The following FYB1 variants were observed in gnomAD, a reference collection of about 807,000 sequenced individuals.
FYB1 encodes the protein FYN-binding protein 1.
FYB1 carries 41 observed loss-of-function variants against 94.1 expected under a neutral mutation model. The ratio of observed to expected loss-of-function variants is 0.44; its 90% CI spans 0.34 to 0.57. The LOEUF is 0.57. Among genes scored for constraint, FYB1 ranks in the 20% least tolerant of loss-of-function variants. The pLI, the probability that FYB1 is intolerant of heterozygous loss-of-function variation, is 0.02. For missense variants in FYB1, 1,050 were observed against 976.8 expected, an observed-to-expected ratio of 1.07 and a Z score of -1.00; for synonymous variants, 367 against 353.2, an observed-to-expected ratio of 1.04 and a Z score of -0.44.
At chr5:39,269,091 C>T (rs931621783) in intron 1 of FYB1, among the ~76,000 whole-genome samples, 1 of 151,768 alleles carries the variant, frequency 6.6e-6, no homozygotes, top group African/African-American at 2.4e-5. Context: ...GCTCTGTGGC[C>T]CAGGCTAGAG....
Position 39,119,048 on chromosome 5 carries a change from AG to A in FYB1, c.2239-13del. The A allele has an allele frequency of 8.3e-7, 1 of 1,210,516 alleles. No individual in the cohort carries two copies. The highest frequency in any genetic ancestry group is 1.1e-6 in the Non-Finnish European group (1 of 898,896). The allele number at this position is 1,210,516 out of a possible 1,614,324, so 75.0% of individuals were successfully genotyped here. On this transcript the variant is annotated splice_polypyrimidine_tract_variant and intron_variant, in intron 15 of 18. Coordinates refer to ENST00000512982, the MANE Select transcript of FYB1 (RefSeq NM_001465.6). ...ATTTCACCATCATACTAAAAAAAAA[AG>A]AACAATATTTAAATTATTGGTTTAT... is the stretch of plus-strand genomic sequence containing the variant.
chr5:39,138,872 A>T (rs1439591951), intron 5 of FYB1, 181 bp from the exon 6 acceptor site: 20 of 641,782 alleles, frequency 3.1e-5, no homozygotes, highest in Admixed American at 4.8e-5. Flanking sequence ...TTTTGAAAGA[A>T]TAATTCAAAT....
intron 1 of FYB1, among the ~76,000 whole-genome samples, chr5:39,257,446 C>A (rs1420042157): frequency 6.7e-6 from 1 of 149,684 alleles, no homozygotes; most frequent in African/African-American, 2.5e-5. Context: ...GTAGAACTTA[C>A]AAAATCTTTT....
chr5:39,211,279 G>A (rs547352470), intron 1 of FYB1, among the ~76,000 whole-genome samples: 4 of 151,666 alleles, frequency 2.6e-5, no homozygotes, highest in Admixed American at 2.6e-4. Flanking sequence ...CAACCTCAAA[G>A]AGAGACCTAA....
chr5:39,243,845 G>T (rs180933870), intron 1 of FYB1, among the ~76,000 whole-genome samples: 1,540 of 152,218 alleles, frequency 0.01, 24 homozygotes, highest in African/African-American at 0.035. Context: ...TCTCCTTGAA[G>T]AGGTGCTTCA....
chr5:39,266,205 A>T (rs1233825257), intron 1 of FYB1, among the ~76,000 whole-genome samples: 2 of 152,188 alleles, frequency 1.3e-5, no homozygotes, highest in East Asian at 3.9e-4. Flanking sequence ...GGGGCAGATA[A>T]AGTAGAATTC....
At chr5:39,149,475 C>A in intron 3 of FYB1, among the ~76,000 whole-genome samples, 2 of 152,312 alleles carry the variant, frequency 1.3e-5, no homozygotes, top group Middle Eastern at 6.8e-3. Context: ...ATCTTTCCAT[C>A]AGCCTACAAA....
intron 1 of FYB1, among the ~76,000 whole-genome samples, chr5:39,240,523 A>C (rs1751158116): frequency 6.6e-6 from 1 of 151,168 alleles, no homozygotes; most frequent in South Asian, 2.1e-4. Flanking sequence ...ATGAACAGGC[A>C]CTTCTAAAAA....
chr5:39,130,072 TA>T (rs141150455), intron 10 of FYB1, among the ~76,000 whole-genome samples: 13,233 of 146,546 alleles, frequency 0.09, 901 homozygotes, highest in East Asian at 0.41. Context: ...TATTTGGTCA[TA>T]AAAAAAAAAG....
chr5:39,227,755 C>T (rs897485996), intron 1 of FYB1, among the ~76,000 whole-genome samples: 4 of 152,148 alleles, frequency 2.6e-5, no homozygotes, highest in Non-Finnish European at 5.9e-5. Flanking sequence ...ATCCAGTAGG[C>T]CTTTGGTTTG....
At chr5:39,158,339 C>G in intron 2 of FYB1, among the ~76,000 whole-genome samples, 1 of 152,196 alleles carries the variant, frequency 6.6e-6, no homozygotes, top group Admixed American at 6.5e-5. Flanking sequence ...TTCCATGAGT[C>G]AGTGGGTGCT....
chr5:39,179,791 C>T (rs1211101310), intron 2 of FYB1, among the ~76,000 whole-genome samples: 1 of 152,022 alleles, frequency 6.6e-6, no homozygotes, highest in East Asian at 1.9e-4. Context: ...GCACTTAAAG[C>T]TTTTACTTCT....
At position 39,147,862 on chromosome 5, in the gene FYB1, A is replaced by G. The variant is rs1450500276; in HGVS notation, c.1292+5586T>C. ...CGCCCGGCTAATTTTTTGTATTTTT[A>G]GTAGAGACGGGGTTTCACCGTGTTA... On this transcript the variant is annotated intron_variant, in intron 3 of 18. Coordinates refer to ENST00000512982, the MANE Select transcript of FYB1 (RefSeq NM_001465.6). Among the ~76,000 whole-genome samples the G allele has an allele frequency of 5.3e-5, 8 of 150,668 alleles. 1 individual carries two copies. In the East Asian group the frequency reaches 1.4e-3, roughly 26 times the overall value.
At chr5:39,206,742 T>C (rs1236296044) in intron 1 of FYB1, among the ~76,000 whole-genome samples, 4 of 152,354 alleles carry the variant, frequency 2.6e-5, no homozygotes, top group Non-Finnish European at 5.9e-5. Context: ...TAGTTCTCTC[T>C]AGAGGCAATC....
At chr5:39,138,951 A>G (rs1741904586) in intron 5 of FYB1, 2 of 547,594 alleles carry the variant, frequency 3.7e-6, no homozygotes, top group Admixed American at 3.4e-5. Flanking sequence ...TTAGAAATAG[A>G]CTGGGAAAGC....
chr5:39,156,759 T>G lies in FYB1; in HGVS notation c.1136-3155A>C, dbSNP rs369129155. On this transcript the variant is annotated intron_variant, in intron 2 of 18. Coordinates refer to ENST00000512982, the MANE Select transcript of FYB1 (RefSeq NM_001465.6). Reference sequence around the variant, plus strand: ...AACCAGTTAGACTTACTTTAATGTCTAACGATTGACATTAGAGTCTAATGA... The same window carrying G: ...AACCAGTTAGACTTACTTTAATGTCGAACGATTGACATTAGAGTCTAATGA... Among the ~76,000 whole-genome samples the G allele has an allele frequency of 3.9e-5, 6 of 152,314 alleles. No homozygotes were observed. The South Asian group carries it at 1.2e-3, about 32-fold the overall frequency.
At chr5:39,136,819 T>A (rs566482033) in intron 7 of FYB1, among the ~76,000 whole-genome samples, 8 of 152,304 alleles carry the variant, frequency 5.3e-5, no homozygotes, top group African/African-American at 1.9e-4. Flanking sequence ...ACATATTAAA[T>A]GCTCCAGAGG....
intron 16 of FYB1, 100 bp from the exon 17 acceptor site, chr5:39,110,489 T>A: frequency 1.4e-6 from 1 of 694,398 alleles, no homozygotes; most frequent in South Asian, 2.1e-5. Flanking sequence ...AATCATAGTA[T>A]ATTGAATAAT....
intron 16 of FYB1, among the ~76,000 whole-genome samples, chr5:39,114,392 C>A (rs189101596): frequency 6.6e-6 from 1 of 152,236 alleles, no homozygotes; most frequent in East Asian, 1.9e-4. Context: ...TGTGATAATG[C>A]CTGTAAAAGT....
Sources: gnomAD v4.1 joint callset for allele counts (sites outside exome capture counted in the v4.1 genomes callset) on GRCh38, gnomAD v4.1.1 for gene constraint, MANE v1.5 for transcripts, NCBI Gene and HGNC (gene_info 2026-07-23, HGNC 2026-07-21) for gene names.